Variants in RAD54B observed in about 807,000 individuals in gnomAD.
RAD54B encodes RAD54 homolog B, also known as DNA repair and recombination protein RAD54B.
A neutral mutation model predicts 95.8 loss-of-function variants in RAD54B; 78 were observed. That is an observed-to-expected ratio of 0.81 (90% CI 0.68 to 0.98). The LOEUF is 0.98. RAD54B is among the 50% of genes least tolerant of loss of function. RAD54B has a pLI of 0.00. For missense variants in RAD54B, 957 were observed against 1,056.6 expected, an observed-to-expected ratio of 0.91 and a Z score of 1.31; for synonymous variants, 328 against 354.9, an observed-to-expected ratio of 0.92 and a Z score of 0.85.
At chr8:94,415,720 C>T (rs1451275367) in intron 3 of RAD54B, among the ~76,000 whole-genome samples, 1 of 147,088 alleles carries the variant, frequency 6.8e-6, no homozygotes. Flanking sequence ...TATGAACAGA[C>T]ACTTCTCAAA....
chr8:94,427,689 G>A (rs865863467), intron 3 of RAD54B: 9 of 979,988 alleles, frequency 9.2e-6, no homozygotes, highest in African/African-American at 5.3e-5. Flanking sequence ...TTGTCTTAAC[G>A]GCACACAAAA....
chr8:94,377,571 A>C (rs868094684), intron 14 of RAD54B, among the ~76,000 whole-genome samples: 4,262 of 129,996 alleles, frequency 0.033, 191 homozygotes, highest in Non-Finnish European at 0.05. Context: ...AAAAAAAAAA[A>C]AAAAAAAAAA....
chr8:94,449,184 TC>T (rs144863111), intron 3 of RAD54B, among the ~76,000 whole-genome samples: 4,951 of 144,618 alleles, frequency 0.034, 105 homozygotes, highest in Non-Finnish European at 0.05. Flanking sequence ...ACCACACCCT[TC>T]CCCCCCGCCC....
chr8:94,374,139 C>T (rs917634286), intron 14 of RAD54B, among the ~76,000 whole-genome samples: 2 of 152,050 alleles, frequency 1.3e-5, no homozygotes, highest in African/African-American at 2.4e-5. Context: ...ATTAGCCAGA[C>T]GTGGTGGCAG....
Position 94,438,238 on chromosome 8 carries a change from C to T in RAD54B, c.304+20030G>A, listed in dbSNP as rs149331110. On this transcript the variant is annotated intron_variant, in intron 3 of 14. Transcript: ENST00000336148. ...GCAAATTACATTTACTGAGCTCTCA[C>T]TGTGAGCCAATGTGTTAAAAGCTTT... Among the ~76,000 whole-genome samples, 660 of 152,312 alleles carry T rather than the reference C, an allele frequency of 4.3e-3. 3 individuals are homozygous for T. Among genetic ancestry groups the T allele is most frequent in the African/African-American group, 0.015 (623 of 41,550 alleles).
intron 3 of RAD54B, among the ~76,000 whole-genome samples, chr8:94,425,998 G>T (rs1030641843): frequency 6.6e-6 from 1 of 152,170 alleles, no homozygotes; most frequent in Non-Finnish European, 1.5e-5. Context: ...TGTTGCCCAA[G>T]CTGGAGTACA....
chr8:94,448,313 A>G (rs2130152853), intron 3 of RAD54B, among the ~76,000 whole-genome samples: 1 of 152,278 alleles, frequency 6.6e-6, no homozygotes, highest in Non-Finnish European at 1.5e-5. Context: ...CCCACCAAAA[A>G]GAAACAGGAG....
intron 9 of RAD54B, among the ~76,000 whole-genome samples, chr8:94,392,941 A>C (rs1811057918): frequency 6.7e-6 from 1 of 149,998 alleles, no homozygotes; most frequent in Non-Finnish European, 1.5e-5. Context: ...GGTTCAAGTG[A>C]TTCTCCTGAG....
intron 1 of RAD54B, among the ~76,000 whole-genome samples, chr8:94,469,777 T>C (rs1234994656): frequency 1.3e-5 from 2 of 152,232 alleles, no homozygotes; most frequent in African/African-American, 4.8e-5. Flanking sequence ...AACAAATATT[T>C]TGAATGAATG....
intron 3 of RAD54B, among the ~76,000 whole-genome samples, chr8:94,455,365 CA>C (rs1409008103): frequency 3.3e-5 from 5 of 152,146 alleles, no homozygotes; most frequent in African/African-American, 9.7e-5. Context: ...AGTCACAAAA[CA>C]TTTTTAAATC....
intron 3 of RAD54B, chr8:94,428,829 C>G: frequency 1.0e-6 from 1 of 984,864 alleles, no homozygotes; most frequent in Non-Finnish European, 1.2e-6. Flanking sequence ...AAGTAGTCCC[C>G]TAACTCAAAA....
At position 94,407,536 on chromosome 8, in the gene RAD54B, G is replaced by A; in HGVS notation, c.684C>T (p.Phe228=). 6.2e-7 allele frequency: 1 copy of A among 1,613,966 alleles called. No individual in the cohort carries two copies. Among genetic ancestry groups the A allele is most frequent in the Non-Finnish European group, 8.5e-7 (1 of 1,179,896 alleles). Residue 228 remains phenylalanine (F), a synonymous_variant, in exon 5 of 15, where the codon TTC becomes TTT. Coordinates refer to ENST00000336148, the MANE Select transcript of RAD54B (RefSeq NM_012415.3). ...SHSSQVARKC[F]SNPFKSVCKP... The stretch of plus-strand genomic sequence containing the variant: ...TACAAACACTTTTGAAAGGGTTAGA[G>A]AAACATTTCCTGGCAACCTGAGAAG...
At chr8:94,465,825 C>T (rs79158978) in intron 2 of RAD54B, among the ~76,000 whole-genome samples, 3,781 of 152,144 alleles carry the variant, frequency 0.025, 75 homozygotes, top group Non-Finnish European at 0.038. Context: ...GATTATTCAA[C>T]CATACAAAAA....
chr8:94,373,574 C>G (rs1469699715), intron 14 of RAD54B, among the ~76,000 whole-genome samples: 1 of 152,188 alleles, frequency 6.6e-6, no homozygotes, highest in Non-Finnish European at 1.5e-5. Flanking sequence ...GTGAAAGAAC[C>G]CTGGATCACG....
In RAD54B at chr8:94,380,386, T is replaced by C. The variant is rs1197045445; in HGVS notation, c.2006A>G (p.Tyr669Cys). 8.1e-6 allele frequency: 13 copies of C among 1,608,978 alleles called. No homozygotes were observed. Among genetic ancestry groups the C allele is most frequent in the Admixed American group, 5.0e-5 (3 of 59,874 alleles). ...TTGTAAAATGTTCAAGGTTTGTGTA[T>C]AGTTGGATACCAACACCACCCTGTC... Reference protein sequence around the residue: ...PTEKVVLVSNYTQTLNILQEV... With the variant: ...PTEKVVLVSNCTQTLNILQEV... The change falls in exon 12 of 15, where the codon TAT becomes TGT. Residue 669 changes from tyrosine to cysteine, a missense_variant. Transcript: ENST00000336148.
chr8:94,397,301 A>G (rs757758760), intron 8 of RAD54B, among the ~76,000 whole-genome samples: 3 of 152,206 alleles, frequency 2.0e-5, no homozygotes, highest in Non-Finnish European at 4.4e-5. Flanking sequence ...CGTCCTGCCC[A>G]TAAAAGCAAA....
At chr8:94,429,671 CAAAGA>C in intron 3 of RAD54B, 1 of 983,532 alleles carries the variant, frequency 1.0e-6, no homozygotes, top group Non-Finnish European at 1.2e-6. Flanking sequence ...TCATTAGACT[CAAAGA>C]AAAGTCATAG....
intron 3 of RAD54B, among the ~76,000 whole-genome samples, chr8:94,414,935 T>A (rs1023289818): frequency 3.9e-5 from 6 of 152,220 alleles, no homozygotes; most frequent in Non-Finnish European, 7.3e-5. Flanking sequence ...AAAACGGCCA[T>A]ACTGCCCAAA....
At chr8:94,446,099 G>GT (rs1292497766) in intron 3 of RAD54B, among the ~76,000 whole-genome samples, 1 of 152,068 alleles carries the variant, frequency 6.6e-6, no homozygotes, top group Non-Finnish European at 1.5e-5. Context: ...AGCAAGTAGT[G>GT]TATTTTAAAG....
Sources: gnomAD v4.1 joint callset for allele counts (sites outside exome capture counted in the v4.1 genomes callset) on GRCh38, gnomAD v4.1.1 for gene constraint, MANE v1.5 for transcripts, NCBI Gene and HGNC (gene_info 2026-07-23, HGNC 2026-07-21) for gene names.